The following MARCHF10 variants were observed in gnomAD, a reference collection of about 807,000 sequenced individuals.
MARCHF10 encodes the protein membrane associated ring-CH-type finger 10.
Under a neutral mutation model 76.2 loss-of-function variants are expected in MARCHF10, and 64 were observed. The observed-to-expected ratio is 0.84, with a 90% CI of 0.69 to 1.03. The LOEUF (loss-of-function observed/expected upper bound fraction) is 1.03. MARCHF10 is among the 50% of genes least tolerant of loss of function. The pLI, the probability that MARCHF10 is intolerant of heterozygous loss-of-function variation, is 0.00. For synonymous variants in MARCHF10, 340 were observed against 357.5 expected (o/e 0.95, Z 0.55); for missense variants, 875 against 958.0 (o/e 0.91, Z 1.14).
Position 62,712,122 on chromosome 17 carries a change from A to G in MARCHF10, c.2215-778T>C, listed in dbSNP as rs1466075222. Among the ~76,000 whole-genome samples, 1 of 152,298 alleles carries G rather than the reference A, an allele frequency of 6.6e-6. No individual in the cohort carries two copies. The highest frequency in any genetic ancestry group is 2.1e-4 in the South Asian group (1 of 4,828). ...AGACCTTCCATAAATCAGTGGTATTAGTAACAACTACTCCTATCCCTCTAT... is the reference window on the plus strand; with the variant it reads ...AGACCTTCCATAAATCAGTGGTATTGGTAACAACTACTCCTATCCCTCTAT... On this transcript the variant is annotated intron_variant, in intron 8 of 10. Transcript: ENST00000311269. The surrounding 1 kb of genome is among the most constrained non-coding windows in gnomAD (Gnocchi z 4.2).
chr17:62,803,515 G>A (rs1373388727), intron 1 of MARCHF10, among the ~76,000 whole-genome samples: 1 of 151,858 alleles, frequency 6.6e-6, no homozygotes, highest in Non-Finnish European at 1.5e-5. Flanking sequence ...GGGGATCATA[G>A]CTACTCTTTT....
chr17:62,720,892 G>C (rs919948433), intron 8 of MARCHF10, among the ~76,000 whole-genome samples: 1 of 136,192 alleles, frequency 7.3e-6, no homozygotes, highest in African/African-American at 2.9e-5. Context: ...TTTTGAGATG[G>C]AGTCTCACTC....
chr17:62,796,175 T>C (rs538152864), intron 2 of MARCHF10, among the ~76,000 whole-genome samples: 69 of 152,124 alleles, frequency 4.5e-4, no homozygotes, highest in Non-Finnish European at 7.9e-4. Flanking sequence ...GTCTAGTTTT[T>C]GTATTTTTAG....
In MARCHF10 at chr17:62,736,731, C is replaced by T. The variant is rs960491523; in HGVS notation, c.1137G>A (p.Leu379=). The T allele has an allele frequency of 3.1e-6, 5 of 1,614,164 alleles. No individual in the cohort carries two copies. In the Admixed American group the frequency reaches 8.3e-5, roughly 27 times the overall value. The change falls in exon 6 of 11, where the codon CTG becomes CTA. Residue 379 remains leucine (L), a synonymous_variant. Coordinates refer to ENST00000311269, the MANE Select transcript of MARCHF10 (RefSeq NM_152598.4). ...AGQRLSQDPG[L]PDRESATEKD... ...TCTCTGTAGCAGATTCCCTATCAGG[C>T]AGCCCGGGGTCTTGGGACAACCTTT...
intron 6 of MARCHF10, among the ~76,000 whole-genome samples, chr17:62,731,847 T>C (rs143231793): frequency 2.0e-3 from 309 of 152,170 alleles, no homozygotes; most frequent in African/African-American, 7.2e-3. Flanking sequence ...CTCAAAAAAA[T>C]TGACATAACA....
chr17:62,732,352 A>G (rs1218062457), intron 6 of MARCHF10, among the ~76,000 whole-genome samples: 2 of 152,234 alleles, frequency 1.3e-5, no homozygotes, highest in Non-Finnish European at 2.9e-5. Context: ...TGCAGGCATT[A>G]AGACGGAATG....
intron 3 of MARCHF10, among the ~76,000 whole-genome samples, chr17:62,780,161 T>G (rs1315900590): frequency 7.9e-5 from 12 of 151,906 alleles, no homozygotes; most frequent in Middle Eastern, 6.8e-3. Context: ...TGCTCTTGAG[T>G]GTGTAACATG....
intron 9 of MARCHF10, among the ~76,000 whole-genome samples, chr17:62,708,323 G>A (rs944547291): frequency 6.6e-6 from 1 of 150,866 alleles, no homozygotes; most frequent in Non-Finnish European, 1.5e-5. Flanking sequence ...TCGGCTCACT[G>A]CAAGCTCTGC....
chr17:62,762,582 T>C (rs1199992862), intron 3 of MARCHF10, among the ~76,000 whole-genome samples: 1 of 152,222 alleles, frequency 6.6e-6, no homozygotes, highest in Non-Finnish European at 1.5e-5. Context: ...AGTCTTGCTC[T>C]GTCACCCAGG....
chr17:62,755,866 C>G (rs2092024334), intron 4 of MARCHF10, among the ~76,000 whole-genome samples: 1 of 152,170 alleles, frequency 6.6e-6, no homozygotes, highest in Admixed American at 6.5e-5. Context: ...GTAATCCTAG[C>G]ACTCTGGGAG....
rs145616635 is a variant in MARCHF10, at chr17:62,744,393, G to A, written c.518C>T (p.Pro173Leu). The A allele has an allele frequency of 1.5e-5, 24 of 1,613,820 alleles. No individual in the cohort carries two copies. Among genetic ancestry groups the A allele is most frequent in the African/African-American group, 4.0e-5 (3 of 74,900 alleles). The change falls in exon 5 of 11, where the codon CCG (proline) becomes CTG (leucine). Residue 173 changes from proline to leucine, a missense_variant. Pro to Leu is a moderately conservative substitution (Grantham distance 98). Transcript: ENST00000311269. ...GTCCTTACCTGCTCCCCTGGGAACCGGCACCTTTGCAGGCCACTGCTGTTT... is the reference window on the plus strand; with the variant it reads ...GTCCTTACCTGCTCCCCTGGGAACCAGCACCTTTGCAGGCCACTGCTGTTT... ...RQKQQWPAKVPVPRGADQVVQ... is the reference protein window; with the variant it reads ...RQKQQWPAKVLVPRGADQVVQ...
intron 1 of MARCHF10, among the ~76,000 whole-genome samples, chr17:62,807,114 G>GA (rs374662987): frequency 1.3e-4 from 20 of 152,202 alleles, no homozygotes; most frequent in African/African-American, 4.3e-4. Flanking sequence ...GATTTCAGGA[G>GA]ACCTTATTCA....
intron 4 of MARCHF10, among the ~76,000 whole-genome samples, chr17:62,753,167 C>T (rs1385226166): frequency 6.6e-6 from 1 of 152,110 alleles, no homozygotes; most frequent in Non-Finnish European, 1.5e-5. Flanking sequence ...AGTGCAGTCA[C>T]GTGATCTCAG....
intron 3 of MARCHF10, among the ~76,000 whole-genome samples, chr17:62,780,572 CT>C (rs2092639472): frequency 6.6e-6 from 1 of 152,152 alleles, no homozygotes; most frequent in African/African-American, 2.4e-5. Flanking sequence ...CCGATGTAAC[CT>C]TGAGTCCTGG....
intron 3 of MARCHF10, among the ~76,000 whole-genome samples, chr17:62,780,204 T>A (rs1307757629): frequency 6.6e-6 from 1 of 152,230 alleles, no homozygotes; most frequent in Non-Finnish European, 1.5e-5. Flanking sequence ...ACACAGTACA[T>A]TTAATTTTAA....
Position 62,790,407 on chromosome 17 carries a change from C to G in MARCHF10, c.91-1808G>C, listed in dbSNP as rs142639091. ...GCCAGGCTGGTCTTGAACTCCTGAC[C>G]TCAGGTGATCGGCCTGCCTCAGCCT... On this transcript the variant is annotated intron_variant, in intron 2 of 10. Coordinates refer to ENST00000311269, the MANE Select transcript of MARCHF10 (RefSeq NM_152598.4). Among the ~76,000 whole-genome samples, 456 of 152,280 alleles carry G rather than the reference C, an allele frequency of 3.0e-3. 1 individual carries two copies. The highest frequency in any genetic ancestry group is 0.011 in the African/African-American group (442 of 41,558).
intron 4 of MARCHF10, among the ~76,000 whole-genome samples, chr17:62,748,495 G>A (rs980804565): frequency 5.9e-5 from 9 of 152,148 alleles, no homozygotes; most frequent in African/African-American, 2.2e-4. Flanking sequence ...CTAACACTTT[G>A]GGAGGCCGAG....
intron 3 of MARCHF10, among the ~76,000 whole-genome samples, chr17:62,772,607 T>C (rs1188353565): frequency 6.6e-6 from 1 of 152,164 alleles, no homozygotes; most frequent in Non-Finnish European, 1.5e-5. Context: ...GTGGGAAATG[T>C]AGGCCTGGGA....
At chr17:62,783,194 G>GTTTTTT (rs201262979) in intron 3 of MARCHF10, among the ~76,000 whole-genome samples, 29 of 71,364 alleles carry the variant, frequency 4.1e-4, no homozygotes, top group African/African-American at 1.9e-3. Context: ...AAAATTGCCA[G>GTTTTTT]TTTTTTTTTT....
Sources: allele counts gnomAD v4.1 joint callset (sites outside exome capture counted in the v4.1 genomes callset), GRCh38; gene constraint gnomAD v4.1.1; non-coding constraint Gnocchi (gnomAD v3.1); transcripts MANE v1.5; gene names NCBI Gene and HGNC (gene_info 2026-07-23, HGNC 2026-07-21).